Variants in LIMA1 observed in about 807,000 individuals in gnomAD.
LIMA1 encodes the protein LIM domain and actin-binding protein 1.
In LIMA1, 52 loss-of-function variants were observed where a neutral mutation model predicts 62.6. That is an observed-to-expected ratio of 0.83 (90% CI 0.67 to 1.05). The LOEUF (loss-of-function observed/expected upper bound fraction) is 1.05, where lower values mean the gene tolerates loss of function less well. Ranked by LOEUF, LIMA1 falls within the 50% of genes least tolerant of loss-of-function variation. LIMA1 has a pLI of 0.00. For synonymous variants in LIMA1, 302 were observed against 317.8 expected, an observed-to-expected ratio of 0.95 and a Z score of 0.53; for missense variants, 780 against 902.2, an observed-to-expected ratio of 0.86 and a Z score of 1.74.
At chr12:50,178,714 C>A (rs951059255) in intron 10 of LIMA1, among the ~76,000 whole-genome samples, 13 of 152,016 alleles carry the variant, frequency 8.6e-5, no homozygotes, top group Middle Eastern at 6.8e-3. Context: ...ACTATCCCTT[C>A]TTTGCGAGTG....
At chr12:50,210,424 A>G (rs1321290029) in intron 4 of LIMA1, among the ~76,000 whole-genome samples, 1 of 151,412 alleles carries the variant, frequency 6.6e-6, no homozygotes, top group Admixed American at 6.6e-5. Flanking sequence ...TTTCCAAAAA[A>G]AAAAAAAAAA....
At chr12:50,204,963 A>C in intron 5 of LIMA1, among the ~76,000 whole-genome samples, 1 of 152,254 alleles carries the variant, frequency 6.6e-6, no homozygotes, top group South Asian at 2.1e-4. Context: ...TCTAATGGCC[A>C]ATATCTTCTG....
intron 1 of LIMA1, among the ~76,000 whole-genome samples, chr12:50,266,507 A>C (rs1160878394): frequency 6.6e-6 from 1 of 152,230 alleles, no homozygotes; most frequent in Non-Finnish European, 1.5e-5. Context: ...GTAATAGTTT[A>C]AAACCTATTT....
At chr12:50,205,118 G>T (rs570829971) in intron 5 of LIMA1, among the ~76,000 whole-genome samples, 1 of 152,180 alleles carries the variant, frequency 6.6e-6, no homozygotes, top group East Asian at 1.9e-4. Context: ...TGTCACCCAG[G>T]CTAGAGTATG....
At chr12:50,233,823 CTAT>C (rs372413485) in intron 2 of LIMA1, among the ~76,000 whole-genome samples, 209 of 152,286 alleles carry the variant, frequency 1.4e-3, no homozygotes, top group African/African-American at 5.0e-3. Flanking sequence ...CAGCACACAG[CTAT>C]TATTATATGT....
intron 9 of LIMA1, among the ~76,000 whole-genome samples, chr12:50,182,934 T>G (rs1484251852): frequency 6.6e-6 from 1 of 152,172 alleles, no homozygotes; most frequent in Non-Finnish European, 1.5e-5. Context: ...CCAGGTGCGG[T>G]GGCTCATGCT....
chr12:50,259,976 ATCCTCTTTTCCTACC>A (rs1343892148), intron 1 of LIMA1, among the ~76,000 whole-genome samples: 3 of 152,064 alleles, frequency 2.0e-5, no homozygotes, highest in Admixed American at 6.6e-5. Flanking sequence ...TTCTTGCAGA[ATCCTCTTTTCCTACC>A]TCCACTCTTA....
chr12:50,268,929 C>G (rs1325296524), intron 1 of LIMA1, among the ~76,000 whole-genome samples: 1 of 152,114 alleles, frequency 6.6e-6, no homozygotes, highest in Non-Finnish European at 1.5e-5. Context: ...GCTGTCTGGA[C>G]CGGTCTTATC....
At chr12:50,253,102 G>A (rs117688006) in intron 1 of LIMA1, among the ~76,000 whole-genome samples, 6,124 of 152,224 alleles carry the variant, frequency 0.04, 169 homozygotes, top group South Asian at 0.077. Context: ...CATCAAACCC[G>A]AATGATGGAA....
intron 2 of LIMA1, among the ~76,000 whole-genome samples, chr12:50,242,610 G>C (rs1941793948): frequency 6.6e-6 from 1 of 152,180 alleles, no homozygotes; most frequent in Admixed American, 6.5e-5. Context: ...TACCATCTTG[G>C]TGTATGACCT....
chr12:50,276,380 A>T (rs964159484), intron 1 of LIMA1, among the ~76,000 whole-genome samples: 1 of 152,326 alleles, frequency 6.6e-6, no homozygotes, highest in East Asian at 1.9e-4. Flanking sequence ...GGTAGCTGGA[A>T]ATACAGATCT....
chr12:50,261,380 T>G (rs1352500958), intron 1 of LIMA1, among the ~76,000 whole-genome samples: 1 of 152,012 alleles, frequency 6.6e-6, no homozygotes, highest in South Asian at 2.1e-4. Flanking sequence ...AAATGCAGCT[T>G]GAATAAAATT....
chr12:50,277,431 G>A (rs1196160319), intron 1 of LIMA1, among the ~76,000 whole-genome samples: 1 of 152,166 alleles, frequency 6.6e-6, no homozygotes, highest in African/African-American at 2.4e-5. Flanking sequence ...GAGACAGAAA[G>A]TAATTCCAGA....
At chr12:50,223,771 C>T (rs1941485875) in intron 3 of LIMA1, among the ~76,000 whole-genome samples, 1 of 152,170 alleles carries the variant, frequency 6.6e-6, no homozygotes, top group South Asian at 2.1e-4. Context: ...GGCGCAGTGG[C>T]TCATGCCTGT....
chr12:50,256,136 C>T (rs61928279), intron 1 of LIMA1: 38,473 of 151,866 alleles, frequency 0.25, 5,658 homozygotes, highest in East Asian at 0.64. Flanking sequence ...CCTCATGATC[C>T]GCCCGCCTCG....
chr12:50,199,532 G>A (rs897783889), intron 7 of LIMA1, among the ~76,000 whole-genome samples: 4 of 152,056 alleles, frequency 2.6e-5, no homozygotes, highest in Non-Finnish European at 5.9e-5. Flanking sequence ...CTGGGCTTCT[G>A]TGGTCCTGTA....
chr12:50,199,838 A>G (rs2138463390), intron 7 of LIMA1, among the ~76,000 whole-genome samples: 2 of 152,278 alleles, frequency 1.3e-5, no homozygotes, highest in Middle Eastern at 6.8e-3. Flanking sequence ...TTATTTTTGT[A>G]AATTATTCTT....
chr12:50,185,756 T>C lies in LIMA1; in HGVS notation c.1141-3719A>G, dbSNP rs771779026. ...ACACCTGACCCACATCGGCTCTCTCTTTAATAGAGCCTTCACCCACATGGA... is the reference window on the plus strand; with the variant it reads ...ACACCTGACCCACATCGGCTCTCTCCTTAATAGAGCCTTCACCCACATGGA... On this transcript the variant is annotated intron_variant, in intron 9 of 10. Transcript: ENST00000341247. 149 of 272,176 alleles carry C rather than the reference T, an allele frequency of 5.5e-4. No individual in the cohort carries two copies. In the Middle Eastern group the frequency reaches 6.0e-3, roughly 11 times the overall value. 16.9% of individuals were successfully genotyped at this position (272,176 alleles called of 1,614,324 possible). A position where few individuals can be genotyped will look rare whatever the true frequency, so the allele number is the denominator to read the frequency against.
At chr12:50,279,544 G>C (rs944903125) in intron 1 of LIMA1, among the ~76,000 whole-genome samples, 2 of 152,164 alleles carry the variant, frequency 1.3e-5, no homozygotes, top group Non-Finnish European at 2.9e-5. Context: ...ATAGGAAGCT[G>C]AGCAGGGCTA....
Sources: allele counts gnomAD v4.1 joint callset (sites outside exome capture counted in the v4.1 genomes callset), GRCh38; gene constraint gnomAD v4.1.1; transcripts MANE v1.5; gene names NCBI Gene and HGNC (gene_info 2026-07-23, HGNC 2026-07-21).